Variants in OLFM1 observed in about 807,000 individuals in gnomAD.
OLFM1 encodes the protein noelin.
Under a neutral mutation model 49.7 loss-of-function variants are expected in OLFM1, and 9 were observed. That is an observed-to-expected ratio of 0.18 (90% CI 0.11 to 0.32). OLFM1 has a LOEUF of 0.32. Among genes scored for constraint, OLFM1 ranks in the 10% least tolerant of loss-of-function variants. The pLI, the probability that OLFM1 is intolerant of heterozygous loss-of-function variation, is 1.00. For synonymous variants in OLFM1, 240 were observed against 271.8 expected, an observed-to-expected ratio of 0.88 and a Z score of 1.15; for missense variants, 369 against 661.8, an observed-to-expected ratio of 0.56 and a Z score of 4.85.
chr9:135,117,675 G>A lies in OLFM1; in HGVS notation c.784-1829G>A, dbSNP rs566151131. ...GTGTATGACCCCCACTATGGGCCAG[G>A]CCCCTGGCTAGGGGTATGGCAGTGA... On this transcript the variant is annotated intron_variant, in intron 5 of 5. Transcript: ENST00000371793. The surrounding 1 kb of genome is among the most constrained non-coding windows in gnomAD (Gnocchi z 5.5). Among the ~76,000 whole-genome samples, 1 of 152,198 alleles carries A rather than the reference G, an allele frequency of 6.6e-6. No individual in the cohort carries two copies. Among genetic ancestry groups the A allele is most frequent in the Non-Finnish European group, 1.5e-5 (1 of 68,036 alleles).
intron 1 of OLFM1, among the ~76,000 whole-genome samples, chr9:135,078,897 C>G (rs985176406): frequency 2.0e-5 from 3 of 152,204 alleles, no homozygotes; most frequent in Admixed American, 6.5e-5. Context: ...GAGAAAGGCC[C>G]TTTAACCCCT....
intron 1 of OLFM1, among the ~76,000 whole-genome samples, chr9:135,082,203 A>C (rs984376434): frequency 5.9e-5 from 9 of 152,184 alleles, no homozygotes; most frequent in African/African-American, 1.9e-4. Flanking sequence ...AAAAGTTGAG[A>C]TGAAAGAGTG....
At chr9:135,102,623 G>A (rs1358854982) in intron 4 of OLFM1, among the ~76,000 whole-genome samples, 1 of 152,082 alleles carries the variant, frequency 6.6e-6, no homozygotes, top group African/African-American at 2.4e-5. Context: ...CCAGGCCCTG[G>A]GTCTGATCTC....
chr9:135,087,632 C>T (rs1343023458), upstream of OLFM1: 2 of 606,120 alleles, frequency 3.3e-6, no homozygotes, highest in East Asian at 3.7e-5. Flanking sequence ...CCCCGCCTCC[C>T]GGCCGCGGCC....
At chr9:135,119,057 GATCTTTGGAA>G (rs1349817770) in intron 5 of OLFM1, among the ~76,000 whole-genome samples, 3 of 151,892 alleles carry the variant, frequency 2.0e-5, no homozygotes, top group African/African-American at 7.3e-5. Context: ...GTGCTCACTG[GATCTTTGGAA>G]GTGCTCACTG....
chr9:135,086,809 T>A (rs532111126), upstream of OLFM1: 18 of 437,524 alleles, frequency 4.1e-5, no homozygotes, highest in South Asian at 2.7e-4. Flanking sequence ...GCGCCATGAC[T>A]CGAGCGCCAC....
intron 4 of OLFM1, among the ~76,000 whole-genome samples, chr9:135,101,104 A>G (rs1588214025): frequency 1.3e-5 from 2 of 152,112 alleles, no homozygotes; most frequent in Admixed American, 1.3e-4. Context: ...CCATCTCAGG[A>G]CCACCCTGGC....
At chr9:135,082,967 G>C (rs1383897643), upstream of OLFM1, among the ~76,000 whole-genome samples, 1 of 152,162 alleles carries the variant, frequency 6.6e-6, no homozygotes, top group Non-Finnish European at 1.5e-5. Context: ...CAAATCCTTG[G>C]CTGTAAGCAA....
chr9:135,104,917 G>A (rs1163522877), intron 4 of OLFM1, among the ~76,000 whole-genome samples: 1 of 152,168 alleles, frequency 6.6e-6, no homozygotes, highest in African/African-American at 2.4e-5. Flanking sequence ...CCTGGAAGAG[G>A]AGTCTCTTGT....
chr9:135,090,182 C>G lies in OLFM1; in HGVS notation c.151-13C>G. On this transcript the variant is annotated splice_polypyrimidine_tract_variant and intron_variant, in intron 1 of 5. Coordinates refer to ENST00000371793, the MANE Select transcript of OLFM1 (RefSeq NM_001282611.2). ...TCTCCTTCCCTCTCCCTTCCCGCCC[C>G]GCCCCTCTCCAGGTGCTGCCCACCA... is the stretch of plus-strand genomic sequence containing the variant. The G allele has an allele frequency of 6.2e-7, 1 of 1,600,208 alleles. No homozygotes were observed. Among genetic ancestry groups the G allele is most frequent in the Non-Finnish European group, 8.6e-7 (1 of 1,169,546 alleles).
Position 135,090,170 on chromosome 9 carries a change from C to T in OLFM1, c.151-25C>T, listed in dbSNP as rs1328549214. 4.4e-6 allele frequency: 7 copies of T among 1,589,158 alleles called. No individual in the cohort carries two copies. The African/African-American group carries it at 9.4e-5, about 21-fold the overall frequency. On this transcript the variant is annotated intron_variant, in intron 1 of 5. Coordinates refer to ENST00000371793, the MANE Select transcript of OLFM1 (RefSeq NM_001282611.2). ...GGTCTCCCTTTCTCTCCTTCCCTCT[C>T]CCTTCCCGCCCCGCCCCTCTCCAGG...
intron 4 of OLFM1, among the ~76,000 whole-genome samples, chr9:135,103,249 G>C (rs761083941): frequency 2.6e-5 from 4 of 152,236 alleles, no homozygotes; most frequent in Non-Finnish European, 5.9e-5. Flanking sequence ...TGACTGGAGA[G>C]GGACGCTTTC....
chr9:135,104,653 G>T (rs778095459), intron 4 of OLFM1, among the ~76,000 whole-genome samples: 9 of 152,218 alleles, frequency 5.9e-5, no homozygotes, highest in Non-Finnish European at 1.3e-4. Flanking sequence ...ACTGTCTTAG[G>T]GGACACCAGC....
At chr9:135,097,237 A>G (rs1250381484) in intron 3 of OLFM1, among the ~76,000 whole-genome samples, 1 of 152,234 alleles carries the variant, frequency 6.6e-6, no homozygotes, top group East Asian at 1.9e-4. Flanking sequence ...TTATAAATCT[A>G]TATTATAAAT....
chr9:135,087,489 C>T, upstream of OLFM1: 1 of 1,480,334 alleles, frequency 6.8e-7, no homozygotes, highest in Non-Finnish European at 9.0e-7. Context: ...CCTCATGTCA[C>T]CCTGATCCCA....
At chr9:135,112,920 G>A in intron 5 of OLFM1, among the ~76,000 whole-genome samples, 1 of 152,226 alleles carries the variant, frequency 6.6e-6, no homozygotes, top group Middle Eastern at 3.2e-3. Flanking sequence ...CCAGGGATGA[G>A]CAGGTGCGGG....
rs1364423009 is a variant in OLFM1, at chr9:135,075,636, G to GGAGCCGGGGCCA, written c.-63_-52dup. On this transcript the variant is annotated 5_prime_UTR_variant, in exon 1 of 6. Coordinates refer to the OLFM1 transcript ENST00000252854. ...GCCAGGCGCCGCCGCCGGAGCCAGCGGAGCCGGGGCCAGAGCCGGAGCGCG... is the reference window on the plus strand; with the variant it reads ...GCCAGGCGCCGCCGCCGGAGCCAGCGGAGCCGGGGCCAGAGCCGGGGCCAGAGCCGGAGCGCG... 3 of 1,117,952 alleles carry GGAGCCGGGGCCA rather than the reference G, an allele frequency of 2.7e-6. No homozygotes were observed. The African/African-American group carries it at 5.0e-5, about 19-fold the overall frequency. 69.3% of individuals were successfully genotyped at this position (1,117,952 alleles called of 1,614,324 possible).
At chr9:135,099,933 C>T (rs972130152) in intron 4 of OLFM1, among the ~76,000 whole-genome samples, 3 of 152,180 alleles carry the variant, frequency 2.0e-5, no homozygotes, top group African/African-American at 4.8e-5. Flanking sequence ...GCTGTATTAA[C>T]GATCATGGGG....
At chr9:135,078,194 A>C (rs927752633) in intron 1 of OLFM1, among the ~76,000 whole-genome samples, 12 of 152,210 alleles carry the variant, frequency 7.9e-5, no homozygotes, top group Non-Finnish European at 5.9e-5. Context: ...TCTGGGCTTC[A>C]GGATAGGGTG....
Sources: allele counts gnomAD v4.1 joint callset (sites outside exome capture counted in the v4.1 genomes callset), GRCh38; gene constraint gnomAD v4.1.1; non-coding constraint Gnocchi (gnomAD v3.1); transcripts MANE v1.5; gene names NCBI Gene and HGNC (gene_info 2026-07-23, HGNC 2026-07-21).